The following OR9Q1 variants were observed in gnomAD, a reference collection of about 807,000 sequenced individuals.
OR9Q1 encodes olfactory receptor family 9 subfamily Q member 1.
For missense variants in OR9Q1, 374 were observed against 378.8 expected, an observed-to-expected ratio of 0.99 and a Z score of 0.11; for synonymous variants, 153 against 148.6, an observed-to-expected ratio of 1.03 and a Z score of -0.22.
intron 2 of OR9Q1, among the ~76,000 whole-genome samples, chr11:58,080,050 G>A (rs189391430): frequency 2.6e-4 from 40 of 152,100 alleles, no homozygotes; most frequent in Middle Eastern, 6.8e-3. Flanking sequence ...TTTTAGATAC[G>A]GGGGTACATG....
At chr11:58,131,518 A>T (rs1238438611) in intron 2 of OR9Q1, among the ~76,000 whole-genome samples, 2 of 152,018 alleles carry the variant, frequency 1.3e-5, no homozygotes, top group African/African-American at 4.8e-5. Context: ...TATTTATAAC[A>T]TTATATAACA....
At position 58,181,573 on chromosome 11, in the gene OR9Q1, A is replaced by AAAAAAAAAAAAAAAAC; in HGVS notation, c.*1210_*1211insACAAAAAAAAAAAAAA. The AAAAAAAAAAAAAAAAC allele has an allele frequency of 6.2e-6, 1 of 161,342 alleles. No homozygotes were observed. The highest frequency in any genetic ancestry group is 2.4e-5 in the African/African-American group (1 of 41,330). The allele number at this position is 161,342 out of a possible 1,614,324, so 10.0% of individuals were successfully genotyped here. ...CTGTCTCCTGGATTACTAAAAAAAAAAAAAAAAAAAAAAATCCAAAACCAA... is the reference window on the plus strand; with the variant it reads ...CTGTCTCCTGGATTACTAAAAAAAAAAAAAAAAAAAAAAAACAAAAAAAAAAAAAATCCAAAACCAA... On this transcript the variant is annotated 3_prime_UTR_variant, in exon 3 of 3. Coordinates refer to ENST00000335397, the MANE Select transcript of OR9Q1 (RefSeq NM_001005212.4).
At chr11:58,082,741 TATAATA>T (rs200062407) in intron 2 of OR9Q1, among the ~76,000 whole-genome samples, 242 of 125,444 alleles carry the variant, frequency 1.9e-3, no homozygotes, top group African/African-American at 4.9e-3. Context: ...AAACTTAAAG[TATAATA>T]ATAATAATAA....
At chr11:58,153,036 T>C (rs994843063) in intron 2 of OR9Q1, among the ~76,000 whole-genome samples, 1 of 152,232 alleles carries the variant, frequency 6.6e-6, no homozygotes. Flanking sequence ...CTTAGTAAGC[T>C]CTTCTTCAAT....
intron 2 of OR9Q1, among the ~76,000 whole-genome samples, chr11:58,158,809 A>G (rs1267537793): frequency 1.3e-5 from 2 of 152,234 alleles, no homozygotes; most frequent in African/African-American, 4.8e-5. Flanking sequence ...AACTGTGATT[A>G]GCCACATTCT....
intron 1 of OR9Q1, among the ~76,000 whole-genome samples, chr11:58,032,528 A>G (rs1853052231): frequency 6.6e-6 from 1 of 152,214 alleles, no homozygotes; most frequent in South Asian, 2.1e-4. Context: ...AAGATTCCCT[A>G]CTCAATAAAT....
At chr11:58,106,495 GT>G (rs1853841810) in intron 2 of OR9Q1, among the ~76,000 whole-genome samples, 1 of 151,968 alleles carries the variant, frequency 6.6e-6, no homozygotes, top group African/African-American at 2.4e-5. Context: ...AAGGTATTTG[GT>G]TTGATGTAGT....
intron 2 of OR9Q1, among the ~76,000 whole-genome samples, chr11:58,157,700 G>T (rs1253991776): frequency 1.3e-5 from 2 of 152,214 alleles, no homozygotes; most frequent in Non-Finnish European, 2.9e-5. Flanking sequence ...TGTTCAGAAA[G>T]AACTGTATAT....
chr11:58,111,312 G>A (rs1360982303), intron 2 of OR9Q1, among the ~76,000 whole-genome samples: 1 of 152,068 alleles, frequency 6.6e-6, no homozygotes, highest in African/African-American at 2.4e-5. Flanking sequence ...TTAAGAGCAG[G>A]AGTTTATGCA....
At chr11:58,151,400 T>C (rs1854350219) in intron 2 of OR9Q1, among the ~76,000 whole-genome samples, 1 of 152,222 alleles carries the variant, frequency 6.6e-6, no homozygotes, top group South Asian at 2.1e-4. Context: ...GTCTTAATGT[T>C]GCTTTTGAGA....
At chr11:58,091,656 A>G (rs1853685340) in intron 2 of OR9Q1, among the ~76,000 whole-genome samples, 1 of 152,190 alleles carries the variant, frequency 6.6e-6, no homozygotes, top group Non-Finnish European at 1.5e-5. Context: ...GATGTCTATT[A>G]GGCCCTCTTG....
intron 2 of OR9Q1, among the ~76,000 whole-genome samples, chr11:58,120,165 T>A (rs1342328310): frequency 6.6e-6 from 1 of 152,158 alleles, no homozygotes; most frequent in Non-Finnish European, 1.5e-5. Context: ...CATATTGCAT[T>A]TTATATTTTT....
chr11:58,062,490 G>A (rs1853389551), intron 2 of OR9Q1, among the ~76,000 whole-genome samples: 1 of 152,150 alleles, frequency 6.6e-6, no homozygotes, highest in Non-Finnish European at 1.5e-5. Flanking sequence ...GTTAACCTCA[G>A]GCAATCTAAA....
intron 1 of OR9Q1, chr11:58,032,051 G>A: frequency 3.6e-6 from 2 of 557,338 alleles, no homozygotes; most frequent in South Asian, 2.6e-5. Flanking sequence ...AACTAACCAA[G>A]GAAGTGAAAG....
At chr11:58,158,589 C>A (rs1366874001) in intron 2 of OR9Q1, among the ~76,000 whole-genome samples, 1 of 152,130 alleles carries the variant, frequency 6.6e-6, no homozygotes, top group African/African-American at 2.4e-5. Flanking sequence ...AATGCCTCTA[C>A]TTTCAGCAGT....
chr11:58,036,836 G>C (rs1209469520), intron 1 of OR9Q1, among the ~76,000 whole-genome samples: 1 of 152,214 alleles, frequency 6.6e-6, no homozygotes, highest in Non-Finnish European at 1.5e-5. Flanking sequence ...AAAGAAAGTA[G>C]TTTCTTGAGA....
At chr11:58,047,131 T>A (rs899755760) in intron 1 of OR9Q1, 2 of 152,224 alleles carry the variant, frequency 1.3e-5, no homozygotes, top group Admixed American at 6.5e-5. Flanking sequence ...TTTAGCAAGG[T>A]CCCTAATTTT....
intron 2 of OR9Q1, among the ~76,000 whole-genome samples, chr11:58,083,590 A>ATTGATATAT: frequency 6.6e-6 from 1 of 151,556 alleles, no homozygotes; most frequent in African/African-American, 2.4e-5. Flanking sequence ...TCTTAAATTT[A>ATTGATATAT]AGGTCTTACA....
At chr11:58,074,654 G>T (rs10792133) in intron 2 of OR9Q1, among the ~76,000 whole-genome samples, 1 of 151,924 alleles carries the variant, frequency 6.6e-6, no homozygotes, top group Non-Finnish European at 1.5e-5. Flanking sequence ...AATTGCTTTC[G>T]GTGTTTTAGT....
Sources: gnomAD v4.1 joint callset for allele counts (sites outside exome capture counted in the v4.1 genomes callset) on GRCh38, gnomAD v4.1.1 for gene constraint, MANE v1.5 for transcripts, NCBI Gene and HGNC (gene_info 2026-07-23, HGNC 2026-07-21) for gene names.